Variants in DAB2IP observed in about 807,000 individuals in gnomAD.
DAB2IP encodes the protein DAB2 interacting protein, also known as disabled homolog 2-interacting protein.
A neutral mutation model predicts 107.2 loss-of-function variants in DAB2IP; 28 were observed. That is an observed-to-expected ratio of 0.26 (90% CI 0.19 to 0.36). The LOEUF is 0.36. DAB2IP is among the 10% of genes least tolerant of loss of function. The pLI, the probability that DAB2IP is intolerant of heterozygous loss-of-function variation, is 1.00. For synonymous variants in DAB2IP, 755 were observed against 706.4 expected, an observed-to-expected ratio of 1.07 and a Z score of -1.09; for missense variants, 1,400 against 1,644.7, an observed-to-expected ratio of 0.85 and a Z score of 2.57.
chr9:121,604,970 G>A (rs942358625), intron 1 of DAB2IP, among the ~76,000 whole-genome samples: 1 of 152,208 alleles, frequency 6.6e-6, no homozygotes, highest in African/African-American at 2.4e-5. Flanking sequence ...GAAGAGAGAT[G>A]CCTTTGGTTT....
At chr9:121,767,684 T>C (rs1230982865) in intron 9 of DAB2IP, among the ~76,000 whole-genome samples, 1 of 152,162 alleles carries the variant, frequency 6.6e-6, no homozygotes, top group East Asian at 1.9e-4. Context: ...TTCTGGATCC[T>C]GAAAAGCTCA....
chr9:121,578,667 C>G (rs183848981), intron 1 of DAB2IP, among the ~76,000 whole-genome samples: 1 of 149,614 alleles, frequency 6.7e-6, no homozygotes, highest in Admixed American at 6.7e-5. Flanking sequence ...GGCCCTGCAA[C>G]GGGCCCAAGT....
intron 4 of DAB2IP, 64 bp downstream of exon 4, chr9:121,757,230 C>A: frequency 3.8e-6 from 6 of 1,572,292 alleles, no homozygotes; most frequent in Non-Finnish European, 5.2e-6. Context: ...TGGTCTCCTC[C>A]AGACATCCTC....
intron 1 of DAB2IP, among the ~76,000 whole-genome samples, chr9:121,661,858 G>A (rs1209313134): frequency 3.3e-5 from 5 of 152,024 alleles, no homozygotes; most frequent in South Asian, 2.1e-4. Context: ...GCACAGGCCT[G>A]TGGTGTTAAC....
intron 3 of DAB2IP, among the ~76,000 whole-genome samples, chr9:121,738,844 C>T (rs1261463466): frequency 6.6e-6 from 1 of 152,224 alleles, no homozygotes; most frequent in African/African-American, 2.4e-5. Flanking sequence ...GTGTCAGACC[C>T]TCTCTTAAGA....
At chr9:121,709,292 C>T (rs576766962) in intron 3 of DAB2IP, among the ~76,000 whole-genome samples, 49 of 152,142 alleles carry the variant, frequency 3.2e-4, no homozygotes, top group Non-Finnish European at 6.8e-4. Flanking sequence ...GCCATCGTAG[C>T]GGGGCGGGGG....
intron 2 of DAB2IP, 77 bp downstream of exon 2, chr9:121,678,858 C>A: frequency 1.5e-6 from 2 of 1,317,204 alleles, no homozygotes; most frequent in Non-Finnish European, 2.0e-6. Context: ...TCTGTGACCC[C>A]ACGGCCCCCC....
chr9:121,581,330 C>T (rs1294656379), intron 1 of DAB2IP, among the ~76,000 whole-genome samples: 4 of 152,176 alleles, frequency 2.6e-5, no homozygotes, highest in African/African-American at 7.2e-5. Context: ...TAAAGGTTTC[C>T]GTCCCCCAAT....
At chr9:121,766,562 C>A in exon 9 of DAB2IP, 1 of 1,613,526 alleles carries the variant, frequency 6.2e-7, no homozygotes. Context: ...CGCGGCCGCC[C>A]GGACATCAGT....
intron 1 of DAB2IP, among the ~76,000 whole-genome samples, chr9:121,654,975 G>A (rs1450040168): frequency 2.0e-5 from 3 of 152,192 alleles, no homozygotes. Flanking sequence ...AGGGAGCAGG[G>A]CTTTGTCCCT....
intron 1 of DAB2IP, among the ~76,000 whole-genome samples, chr9:121,676,653 TCA>T (rs1381082275): frequency 1.2e-5 from 1 of 85,020 alleles, no homozygotes; most frequent in Non-Finnish European, 2.5e-5. Context: ...ACACACACAC[TCA>T]CACACACACG....
intron 1 of DAB2IP, among the ~76,000 whole-genome samples, chr9:121,655,987 T>C (rs1589460979): frequency 6.7e-6 from 1 of 149,640 alleles, no homozygotes. Context: ...CCATGGGGGG[T>C]GGGTAACTTC....
intron 12 of DAB2IP, among the ~76,000 whole-genome samples, chr9:121,773,743 G>T (rs1588005910): frequency 6.6e-6 from 1 of 152,292 alleles, no homozygotes; most frequent in East Asian, 1.9e-4. Context: ...GGCAGGCTGG[G>T]GTCAGAGAGA....
intron 1 of DAB2IP, among the ~76,000 whole-genome samples, chr9:121,593,647 CT>C (rs942688900): frequency 2.1e-5 from 3 of 143,856 alleles, no homozygotes; most frequent in Non-Finnish European, 3.0e-5. Context: ...TTTTCTTTTT[CT>C]TTTTTTTCTT....
rs576210536 is a variant in DAB2IP, at chr9:121,760,443, C to T, written c.1170+4C>T. ...GCAGAGCACGGGCAAGGTGAAGGTG[C>T]GTGCAGGCCCCTCGGCTCCTGACAC... On this transcript the variant is annotated splice_donor_region_variant and intron_variant, in intron 6 of 15. Transcript: ENST00000408936. This position sits in a 1 kb window ranked among gnomAD's most constrained non-coding sequence, Gnocchi z 5.9. The T allele has an allele frequency of 4.4e-6, 7 of 1,586,226 alleles. No homozygotes were observed. Among genetic ancestry groups the T allele is most frequent in the East Asian group, 4.5e-5 (2 of 44,444 alleles).
chr9:121,776,795 G>A lies in DAB2IP; in HGVS notation c.3314+404G>A, dbSNP rs1835230764. 6.6e-6 allele frequency among the ~76,000 whole-genome samples: 1 copy of A among 152,098 alleles called. No homozygotes were observed. Among genetic ancestry groups the A allele is most frequent in the Non-Finnish European group, 1.5e-5 (1 of 68,016 alleles). On this transcript the variant is annotated intron_variant, in intron 14 of 15. Coordinates refer to ENST00000408936, the Ensembl canonical transcript of DAB2IP. This position sits in a 1 kb window ranked among gnomAD's most constrained non-coding sequence, Gnocchi z 5.4. The stretch of plus-strand genomic sequence containing the variant: ...GTCTCAGTTACGTATAGTAGATGAA[G>A]GTGGAAGACACAGCGTAGCCCCCAG...
rs1306174371 is a variant in DAB2IP, at chr9:121,699,167, G to A, written c.229-158G>A. 2.8e-5 allele frequency among the ~76,000 whole-genome samples: 4 copies of A among 145,302 alleles called. No homozygotes were observed. Among genetic ancestry groups the A allele is most frequent in the Non-Finnish European group, 4.6e-5 (3 of 65,454 alleles). ...GGCCGTCGGCGCTCGGTCGGCGGGC[G>A]GGCGGCGCGGGCCGCGAGCTGCTGG... On this transcript the variant is annotated intron_variant, in intron 2 of 15. Coordinates refer to ENST00000408936, the Ensembl canonical transcript of DAB2IP. The surrounding 1 kb of genome is among the most constrained non-coding windows in gnomAD (Gnocchi z 6.2).
chr9:121,723,788 C>T (rs933517748), intron 3 of DAB2IP, among the ~76,000 whole-genome samples: 1 of 152,118 alleles, frequency 6.6e-6, no homozygotes, highest in Non-Finnish European at 1.5e-5. Flanking sequence ...GAGGAGGGTG[C>T]ATGGTGAAGA....
chr9:121,607,093 G>C (rs747778221), intron 1 of DAB2IP, among the ~76,000 whole-genome samples: 4 of 152,080 alleles, frequency 2.6e-5, no homozygotes, highest in Non-Finnish European at 5.9e-5. Context: ...TCTTATGAAC[G>C]TAGAGAACAC....
Sources: gnomAD v4.1 joint callset for allele counts (sites outside exome capture counted in the v4.1 genomes callset) on GRCh38, gnomAD v4.1.1 for gene constraint, Gnocchi (gnomAD v3.1) non-coding constraint, MANE v1.5 for transcripts, NCBI Gene and HGNC (gene_info 2026-07-23, HGNC 2026-07-21) for gene names.